FLRT1: variants seen among roughly 807,000 people sequenced by gnomAD.
FLRT1 encodes fibronectin leucine rich transmembrane protein 1.
Under a neutral mutation model 30.9 loss-of-function variants are expected in FLRT1, and 14 were observed. The observed-to-expected ratio is 0.45, with a 90% CI of 0.30 to 0.71. The LOEUF (loss-of-function observed/expected upper bound fraction) is 0.71. FLRT1 is among the 30% of genes least tolerant of loss of function. FLRT1 has a pLI of 0.08. For missense variants in FLRT1, 737 were observed against 949.2 expected (o/e 0.78, Z 2.94); for synonymous variants, 368 against 430.4 (o/e 0.85, Z 1.80).
At chr11:64,048,653 C>T (rs747165840) in intron 1 of FLRT1, among the ~76,000 whole-genome samples, 8 of 151,802 alleles carry the variant, frequency 5.3e-5, no homozygotes, top group Non-Finnish European at 1.2e-4. Flanking sequence ...GCGTCATCAC[C>T]GATTCCTTAA....
rs958951379 is a variant in FLRT1 at position 64,103,476 on chromosome 11, A to T, written c.-755A>T. 1 of 152,182 alleles carries T rather than the reference A, an allele frequency of 6.6e-6. No homozygotes were observed. The highest frequency in any genetic ancestry group is 2.4e-5 in the African/African-American group (1 of 41,400). 9.4% of individuals were successfully genotyped at this position (152,182 alleles called of 1,614,324 possible). On this transcript the variant is annotated 5_prime_UTR_variant, in exon 2 of 3. Transcript: ENST00000682287. ...ACCCCCTCCTTTCCCCCGGAGACAC[A>T]GCCTGAGTGGCAGGAATACAGAGCC...
At chr11:64,055,449 G>A (rs979346110) in intron 1 of FLRT1, among the ~76,000 whole-genome samples, 1 of 152,148 alleles carries the variant, frequency 6.6e-6, no homozygotes, top group Admixed American at 6.5e-5. Context: ...GGCAGGGCAG[G>A]TAGCTCCTGG....
intron 1 of FLRT1, among the ~76,000 whole-genome samples, chr11:64,070,321 G>T (rs1944083751): frequency 6.6e-6 from 1 of 152,078 alleles, no homozygotes; most frequent in African/African-American, 2.4e-5. Context: ...ATGTTCCCTG[G>T]GGGCCTCGGA....
chr11:64,091,670 C>T (rs7947315), intron 1 of FLRT1, among the ~76,000 whole-genome samples: 46,235 of 152,104 alleles, frequency 0.3, 9,722 homozygotes, highest in East Asian at 0.67. Context: ...AGAAGACACT[C>T]GGCCCAAGGG....
intron 1 of FLRT1, among the ~76,000 whole-genome samples, chr11:64,038,100 T>A (rs1943417311): frequency 6.6e-6 from 1 of 152,032 alleles, no homozygotes; most frequent in Admixed American, 6.5e-5. Context: ...CTGTGTCCCC[T>A]CCTCCCCATC....
At chr11:64,084,315 T>G (rs1243351444) in intron 1 of FLRT1, among the ~76,000 whole-genome samples, 2 of 151,400 alleles carry the variant, frequency 1.3e-5, no homozygotes, top group African/African-American at 4.9e-5. Flanking sequence ...TGTGTGAGAG[T>G]GGGGGATGCC....
intron 1 of FLRT1, among the ~76,000 whole-genome samples, chr11:64,069,259 C>G (rs745483901): frequency 1.3e-5 from 2 of 152,188 alleles, no homozygotes; most frequent in African/African-American, 4.8e-5. Flanking sequence ...TACCTGACAC[C>G]GGAGACAGCT....
At chr11:64,051,932 C>G (rs942346414) in intron 1 of FLRT1, among the ~76,000 whole-genome samples, 8 of 151,850 alleles carry the variant, frequency 5.3e-5, no homozygotes, top group African/African-American at 1.9e-4. Flanking sequence ...CTGGATACTC[C>G]AAGGCCACTG....
Position 64,117,582 on chromosome 11 carries a change from C to T in FLRT1, c.1315C>T (p.Leu439=). Residue 439 remains leucine (L), a synonymous_variant, in exon 3 of 3, where the codon CTG becomes TTG. Transcript: ENST00000682287. The part of the protein sequence containing the change: ...PMATGDGAKT[L]AIHVKALTAD... ...GGCCACGGGTGATGGCGCCAAGACC[C>T]TGGCCATCCACGTGAAGGCCCTGAC... 6.2e-7 allele frequency: 1 copy of T among 1,611,610 alleles called. No homozygotes were observed. The highest frequency in any genetic ancestry group is 1.3e-5 in the African/African-American group (1 of 75,054).
intron 1 of FLRT1, among the ~76,000 whole-genome samples, chr11:64,037,373 C>G (rs1477450766): frequency 1.3e-5 from 2 of 151,890 alleles, no homozygotes; most frequent in African/African-American, 4.8e-5. Flanking sequence ...GCTCCAGATT[C>G]CAGTTTCTGG....
At position 64,116,259 on chromosome 11, in the gene FLRT1, C is replaced by T; in HGVS notation, c.-9C>T. The stretch of plus-strand genomic sequence containing the variant: ...GCCAGGTGGGGCCGGACGCCCCCAG[C>T]CATCCACCATGGTGGTGGCACACCC... On this transcript the variant is annotated 5_prime_UTR_variant, in exon 3 of 3. Coordinates refer to ENST00000682287, the MANE Select transcript of FLRT1 (RefSeq NM_013280.5). 2 of 1,591,536 alleles carry T rather than the reference C, an allele frequency of 1.3e-6. No homozygotes were observed.
intron 1 of FLRT1, among the ~76,000 whole-genome samples, chr11:64,070,812 AT>A (rs1944095208): frequency 6.6e-6 from 1 of 152,232 alleles, no homozygotes; most frequent in African/African-American, 2.4e-5. Context: ...GGCGTGAACA[AT>A]AATAGTTTTT....
intron 1 of FLRT1, among the ~76,000 whole-genome samples, chr11:64,043,007 C>T (rs1468599082): frequency 4.6e-5 from 7 of 152,224 alleles, no homozygotes; most frequent in Non-Finnish European, 8.8e-5. Flanking sequence ...GGCAGAAGGG[C>T]TATGAAATGA....
intron 1 of FLRT1, among the ~76,000 whole-genome samples, chr11:64,073,883 C>T (rs1944153701): frequency 6.6e-6 from 1 of 152,152 alleles, no homozygotes; most frequent in South Asian, 2.1e-4. Context: ...CCGGATCCAG[C>T]CCAGCCACTT....
chr11:64,077,057 A>T (rs1939264), intron 1 of FLRT1, among the ~76,000 whole-genome samples: 1 of 151,156 alleles, frequency 6.6e-6, no homozygotes, highest in African/African-American at 2.4e-5. Flanking sequence ...AGGGCAGGGT[A>T]GGGGGGTCCA....
At chr11:64,053,137 A>C (rs1943724172) in intron 1 of FLRT1, among the ~76,000 whole-genome samples, 1 of 152,172 alleles carries the variant, frequency 6.6e-6, no homozygotes, top group South Asian at 2.1e-4. Flanking sequence ...TGCAGTCACC[A>C]GGCTCATGCG....
chr11:64,083,881 T>A (rs1015293472), intron 1 of FLRT1, among the ~76,000 whole-genome samples: 2 of 152,078 alleles, frequency 1.3e-5, no homozygotes, highest in East Asian at 1.9e-4. Flanking sequence ...GCTGGGCGAG[T>A]GTGAGCAGCG....
At chr11:64,060,001 G>T (rs1943867298) in intron 1 of FLRT1, among the ~76,000 whole-genome samples, 1 of 152,174 alleles carries the variant, frequency 6.6e-6, no homozygotes, top group Non-Finnish European at 1.5e-5. Context: ...GGGCGGTGCG[G>T]GACGTCCAGG....
intron 1 of FLRT1, among the ~76,000 whole-genome samples, chr11:64,079,728 T>G: frequency 6.6e-6 from 1 of 150,736 alleles, no homozygotes; most frequent in Non-Finnish European, 1.5e-5. Context: ...AGGGAGAGAG[T>G]GGGGCGCACG....
Sources: gnomAD v4.1 joint callset for allele counts (sites outside exome capture counted in the v4.1 genomes callset) on GRCh38, gnomAD v4.1.1 for gene constraint, MANE v1.5 for transcripts, NCBI Gene and HGNC (gene_info 2026-07-23, HGNC 2026-07-21) for gene names.